MAX: variants seen among roughly 807,000 people sequenced by gnomAD.
MAX encodes protein max.
A neutral mutation model predicts 22.3 loss-of-function variants in MAX; 3 were observed. That is an observed-to-expected ratio of 0.13 (90% CI 0.06 to 0.35). The LOEUF (loss-of-function observed/expected upper bound fraction) is 0.35. MAX is among the 10% of genes least tolerant of loss of function. The pLI is 1.00. For synonymous variants in MAX, 72 were observed against 77.7 expected (o/e 0.93, Z 0.39); for missense variants, 119 against 209.4 (o/e 0.57, Z 2.66).
intron 3 of MAX, among the ~76,000 whole-genome samples, chr14:65,065,561 A>G (rs2062923749): frequency 6.6e-6 from 1 of 152,212 alleles, no homozygotes; most frequent in Admixed American, 6.5e-5. Flanking sequence ...ACCGTACTGG[A>G]TACTGTAGGC....
rs2061693157 is a variant in MAX at position 65,012,142 on chromosome 14, T to C, written c.172-5858A>G. On this transcript the variant is annotated intron_variant, in intron 3 of 3. Coordinates refer to the MAX transcript ENST00000341653. This position sits in a 1 kb window ranked among gnomAD's most constrained non-coding sequence, Gnocchi z 5.0. ...TTAGAGACATTCAGACAAGAGCTTC[T>C]TTTCTCTGGTTTAGTTGCTCTTTGG... 1.5e-6 allele frequency: 1 copy of C among 657,280 alleles called. No homozygotes were observed. The highest frequency in any genetic ancestry group is 2.9e-5 in the Admixed American group (1 of 34,214). 40.7% of individuals were successfully genotyped at this position (657,280 alleles called of 1,614,324 possible). A position where few individuals can be genotyped will look rare whatever the true frequency, so the allele number is the denominator to read the frequency against.
Position 65,044,781 on chromosome 14 carries a change from C to A in MAX, c.172-38497G>T, listed in dbSNP as rs1043577119. On this transcript the variant is annotated intron_variant, in intron 3 of 3. Coordinates refer to the MAX transcript ENST00000341653. This position sits in a 1 kb window ranked among gnomAD's most constrained non-coding sequence, Gnocchi z 5.5. ...CTGGGCTCTGTGGTGATTGCCACCT[C>A]CTCTGGGTGCAGGGCAGAGCTGAAA... 2 of 273,002 alleles carry A rather than the reference C, an allele frequency of 7.3e-6. No homozygotes were observed. Among genetic ancestry groups the A allele is most frequent in the Non-Finnish European group, 1.4e-5 (2 of 144,778 alleles). The allele number at this position is 273,002 out of a possible 1,614,324, so 16.9% of individuals were successfully genotyped here. A position where few individuals can be genotyped will look rare whatever the true frequency, so the allele number is the denominator to read the frequency against.
At chr14:65,019,660 T>C (rs2061849939) in intron 3 of MAX, among the ~76,000 whole-genome samples, 1 of 152,246 alleles carries the variant, frequency 6.6e-6, no homozygotes. Flanking sequence ...CACAGATGCC[T>C]TAAAAGCTTT....
chr14:65,049,000 G>T (rs1311720454), intron 3 of MAX, among the ~76,000 whole-genome samples: 1 of 152,078 alleles, frequency 6.6e-6, no homozygotes, highest in African/African-American at 2.4e-5. Context: ...GTGCCACGTT[G>T]CCTGTAATCC....
rs901274418 is a variant in MAX, at chr14:65,023,657, G to A, written c.172-17373C>T. Among the ~76,000 whole-genome samples the A allele has an allele frequency of 6.6e-6, 1 of 152,208 alleles. No individual in the cohort carries two copies. Among genetic ancestry groups the A allele is most frequent in the Non-Finnish European group, 1.5e-5 (1 of 68,034 alleles). On this transcript the variant is annotated intron_variant, in intron 3 of 3. Transcript: ENST00000341653. This position sits in a 1 kb window ranked among gnomAD's most constrained non-coding sequence, Gnocchi z 4.1. ...TTGAAATGTGTCTTGTGTGACTGAA[G>A]AGCTGAATTTTCTATTTTAATTAAT... is the stretch of plus-strand genomic sequence containing the variant.
At chr14:65,070,975 CT>C (rs2062982221), downstream of MAX, among the ~76,000 whole-genome samples, 1 of 152,206 alleles carries the variant, frequency 6.6e-6, no homozygotes, top group African/African-American at 2.4e-5. The surrounding 1 kb of genome is among the most constrained non-coding windows in gnomAD (Gnocchi z 4.4). Flanking sequence ...TCCTCAACTC[CT>C]TTTTTTTCTC....
rs934912950 is a variant in MAX, at chr14:65,009,013, C to T, written c.172-2729G>A. Among the ~76,000 whole-genome samples, 1 of 152,128 alleles carries T rather than the reference C, an allele frequency of 6.6e-6. No homozygotes were observed. Among genetic ancestry groups the T allele is most frequent in the Non-Finnish European group, 1.5e-5 (1 of 68,038 alleles). On this transcript the variant is annotated intron_variant, in intron 3 of 3. Coordinates refer to the MAX transcript ENST00000341653. The surrounding 1 kb of genome is among the most constrained non-coding windows in gnomAD (Gnocchi z 4.2). The stretch of plus-strand genomic sequence containing the variant: ...ACCCTGCACCCCCTCAAGTCCTGCA[C>T]GAAACCTGTCTTATTCTGCTCCATG...
At chr14:65,090,330 T>C (rs190668899) in intron 3 of MAX, 2 of 152,276 alleles carry the variant, frequency 1.3e-5, no homozygotes, top group Non-Finnish European at 2.9e-5. Flanking sequence ...CTAGCCCCTG[T>C]CCTGTTACAG....
chr14:65,021,892 C>A, intron 3 of MAX: 1 of 455,336 alleles, frequency 2.2e-6, no homozygotes, highest in Non-Finnish European at 4.4e-6. Context: ...GTGATCCGCC[C>A]ACGTCGGCCT....
intron 3 of MAX, among the ~76,000 whole-genome samples, chr14:65,053,681 C>T (rs922229675): frequency 3.3e-5 from 5 of 151,342 alleles, no homozygotes; most frequent in Admixed American, 6.6e-5. Context: ...ATTTTAAAAC[C>T]CCTCAGTGTT....
chr14:65,045,562 C>T (rs1489198464), intron 3 of MAX, among the ~76,000 whole-genome samples: 3 of 151,918 alleles, frequency 2.0e-5, no homozygotes, highest in East Asian at 3.9e-4. Context: ...ACTACAGGCG[C>T]GTGCCACCAC....
intron 3 of MAX, among the ~76,000 whole-genome samples, chr14:65,058,326 T>A (rs1051765461): frequency 1.3e-5 from 2 of 152,054 alleles, no homozygotes; most frequent in Non-Finnish European, 2.9e-5. Flanking sequence ...GAATCTTTTC[T>A]TATTTTCAGT....
At chr14:65,080,247 G>A (rs1218385217) in intron 3 of MAX, among the ~76,000 whole-genome samples, 1 of 152,198 alleles carries the variant, frequency 6.6e-6, no homozygotes, top group East Asian at 1.9e-4. Context: ...CAGTCAAGAT[G>A]GGATGGGGAA....
rs146191924 is a variant in MAX, at chr14:65,087,359, T to G, written c.171+6349A>C. 4.4e-3 allele frequency among the ~76,000 whole-genome samples: 667 copies of G among 152,222 alleles called. 8 individuals carry two copies. The highest frequency in any genetic ancestry group is 0.016 in the African/African-American group (648 of 41,518). On this transcript the variant is annotated intron_variant, in intron 3 of 4. Transcript: ENST00000358664. ...ATCCACTGACTGACATCTTGCACTG[T>G]GCACCTGGAAAAGCTGCAGACACTC...
At chr14:65,066,003 C>A (rs939405873) in intron 3 of MAX, among the ~76,000 whole-genome samples, 2 of 152,176 alleles carry the variant, frequency 1.3e-5, no homozygotes, top group African/African-American at 2.4e-5. Context: ...AAAGCCCATG[C>A]CCTTCCACCA....
rs143624060 is a variant in MAX at position 65,019,129 on chromosome 14, C to T, written c.172-12845G>A. Among the ~76,000 whole-genome samples, 973 of 152,034 alleles carry T rather than the reference C, an allele frequency of 6.4e-3. 16 individuals are homozygous for T. Among genetic ancestry groups the T allele is most frequent in the South Asian group, 0.044 (211 of 4,802 alleles). ...CGGAGGTTGCGGTGAGCCAAGATTG[C>T]ACCACTGCACTCCAGCCTGGGCAAC... On this transcript the variant is annotated intron_variant, in intron 3 of 3. Transcript: ENST00000341653.
chr14:65,101,731 C>A, intron 1 of MAX, 159 bp from the exon 2 acceptor site: 1 of 649,678 alleles, frequency 1.5e-6, no homozygotes, highest in Non-Finnish European at 2.7e-6. Context: ...CCCACCCTTC[C>A]ACCCTCGGCG....
chr14:65,059,740 A>G (rs2062817731), intron 3 of MAX, among the ~76,000 whole-genome samples: 1 of 151,898 alleles, frequency 6.6e-6, no homozygotes. Flanking sequence ...GTACTAGAAT[A>G]ACATCTATTT....
intron 3 of MAX, among the ~76,000 whole-genome samples, chr14:65,057,243 TTTTG>T (rs1403458682): frequency 6.6e-6 from 1 of 152,124 alleles, no homozygotes; most frequent in African/African-American, 2.4e-5. Context: ...AACCATAGCA[TTTTG>T]TTTTTGGTGT....
Sources: allele counts gnomAD v4.1 joint callset (sites outside exome capture counted in the v4.1 genomes callset), GRCh38; gene constraint gnomAD v4.1.1; non-coding constraint Gnocchi (gnomAD v3.1); transcripts MANE v1.5; gene names NCBI Gene and HGNC (gene_info 2026-07-23, HGNC 2026-07-21).